GLDN: variants seen among roughly 807,000 people sequenced by gnomAD.
GLDN encodes the protein gliomedin.
In GLDN, 47 loss-of-function variants were observed where a neutral mutation model predicts 56.5. The ratio of observed to expected loss-of-function variants is 0.83; its 90% CI spans 0.66 to 1.06. GLDN has a LOEUF of 1.06. GLDN is among the 50% of genes least tolerant of loss of function. The pLI is 0.00. For synonymous variants in GLDN, 332 were observed against 278.8 expected (o/e 1.19, Z -1.90); for missense variants, 782 against 714.3 (o/e 1.09, Z -1.08).
chr15:51,400,344 AG>A (rs2038222663), intron 7 of GLDN, 28 bp from the exon 8 acceptor site: 2 of 1,614,110 alleles, frequency 1.2e-6, no homozygotes. Context: ...TTGGCAGGCA[AG>A]TGACTTTCTT....
chr15:51,388,400 C>T (rs2037945946), intron 4 of GLDN, among the ~76,000 whole-genome samples: 1 of 152,110 alleles, frequency 6.6e-6, no homozygotes, highest in Non-Finnish European at 1.5e-5. Flanking sequence ...CTGAAATCAC[C>T]CCCTGGTGAT....
intron 1 of GLDN, among the ~76,000 whole-genome samples, chr15:51,356,988 C>T (rs1402444249): frequency 6.6e-6 from 1 of 152,190 alleles, no homozygotes; most frequent in Non-Finnish European, 1.5e-5. Flanking sequence ...ACTGGGACAA[C>T]ACACAGACCT....
intron 7 of GLDN, 27 bp from the exon 8 acceptor site, chr15:51,400,346 T>C: frequency 1.2e-6 from 2 of 1,614,120 alleles, no homozygotes; most frequent in Non-Finnish European, 1.7e-6. Context: ...GGCAGGCAAG[T>C]GACTTTCTTT....
intron 1 of GLDN, among the ~76,000 whole-genome samples, chr15:51,364,326 A>G (rs771764832): frequency 1.1e-4 from 16 of 152,162 alleles, no homozygotes; most frequent in Non-Finnish European, 1.9e-4. Context: ...CAAGTTCACT[A>G]ACCTTTCATC....
At chr15:51,400,078 G>C in intron 6 of GLDN, 114 bp from the exon 7 acceptor site, 1 of 849,226 alleles carries the variant, frequency 1.2e-6, no homozygotes, top group South Asian at 1.5e-5. Flanking sequence ...TATTGCAAGG[G>C]ATGTTTATGA....
At chr15:51,390,668 T>A (rs1185931390) in intron 4 of GLDN, among the ~76,000 whole-genome samples, 2 of 151,866 alleles carry the variant, frequency 1.3e-5, no homozygotes, top group Non-Finnish European at 2.9e-5. Context: ...AAATAAAACA[T>A]CCTCCCTCAC....
intron 4 of GLDN, among the ~76,000 whole-genome samples, chr15:51,389,626 G>A (rs1164987478): frequency 6.6e-6 from 1 of 152,200 alleles, no homozygotes; most frequent in African/African-American, 2.4e-5. Flanking sequence ...CAGCACTTTG[G>A]AGATAAGTAG....
intron 5 of GLDN, among the ~76,000 whole-genome samples, chr15:51,397,116 G>T (rs962411988): frequency 1.3e-5 from 2 of 152,126 alleles, no homozygotes; most frequent in Non-Finnish European, 2.9e-5. Flanking sequence ...AGTGGAGAGG[G>T]CGTAGGAGGT....
intron 1 of GLDN, among the ~76,000 whole-genome samples, chr15:51,373,091 C>T (rs1212714435): frequency 6.6e-6 from 1 of 152,148 alleles, no homozygotes; most frequent in Non-Finnish European, 1.5e-5. Context: ...CCAACACATG[C>T]ATTTGGGAGG....
At chr15:51,413,102 C>G in the GLDN span, among the ~76,000 whole-genome samples, 1 of 151,982 alleles carries the variant, frequency 6.6e-6, no homozygotes, top group African/African-American at 2.4e-5. Context: ...TTTCTGCTGA[C>G]TTTTGAATTG....
chr15:51,402,067 C>T (rs1391229103), intron 9 of GLDN, among the ~76,000 whole-genome samples: 1 of 152,150 alleles, frequency 6.6e-6, no homozygotes, highest in Non-Finnish European at 1.5e-5. Flanking sequence ...CTCATAGCTC[C>T]CCCTGGTGGA....
chr15:51,341,740 C>A lies in GLDN; in HGVS notation c.56C>A (p.Ala19Asp). 1 of 1,462,278 alleles carries A rather than the reference C, an allele frequency of 6.8e-7. No homozygotes were observed. Among genetic ancestry groups the A allele is most frequent in the Non-Finnish European group, 8.9e-7 (1 of 1,119,466 alleles). The allele number at this position is 1,462,278 out of a possible 1,614,324, so 90.6% of individuals were successfully genotyped here. A position where few individuals can be genotyped will look rare whatever the true frequency, so the allele number is the denominator to read the frequency against. Residue 19 changes from alanine (A) to aspartate (D), a missense_variant, in exon 1 of 10, where the codon GCC becomes GAC. Coordinates refer to ENST00000335449, the MANE Select transcript of GLDN (RefSeq NM_181789.4). ...GACGCGGGTTGGGGCCTGCGTGGCG[C>A]CCTGGCGGCCGTGGCGCTGCTCTCG... ...RGDAGWGLRG[A>D]LAAVALLSAL...
At position 51,341,941 on chromosome 15, in the gene GLDN, C is replaced by T; in HGVS notation, c.257C>T (p.Pro86Leu). 1 of 1,597,056 alleles carries T rather than the reference C, an allele frequency of 6.3e-7. No homozygotes were observed. The highest frequency in any genetic ancestry group is 1.3e-5 in the African/African-American group (1 of 74,934). Residue 86 changes from proline to leucine, a missense_variant, in exon 1 of 10, where the codon CCG becomes CTG. Physicochemically the swap from Pro to Leu is moderately conservative, Grantham distance 98 (BLOSUM62 -3). Transcript: ENST00000335449. ...GGGGCGTCCGCACCACCCCAAGACC[C>T]GGCCAGCTCAGCTCGCAACAAGCGC... Reference protein sequence around the residue: ...PRGASAPPQDPASSARNKRSH... With the variant: ...PRGASAPPQDLASSARNKRSH...
intron 1 of GLDN, among the ~76,000 whole-genome samples, chr15:51,346,301 C>A (rs927362673): frequency 2.0e-5 from 3 of 151,998 alleles, no homozygotes; most frequent in Non-Finnish European, 2.9e-5. Context: ...ATAATTAAAG[C>A]CTGAGTAATT....
chr15:51,346,618 G>A (rs1265832757), intron 1 of GLDN, among the ~76,000 whole-genome samples: 1 of 152,114 alleles, frequency 6.6e-6, no homozygotes, highest in Non-Finnish European at 1.5e-5. Flanking sequence ...GAATTGGGAA[G>A]CCTTTTCTTT....
chr15:51,362,115 C>T (rs2037311667), intron 1 of GLDN, among the ~76,000 whole-genome samples: 2 of 152,114 alleles, frequency 1.3e-5, no homozygotes, highest in Admixed American at 1.3e-4. Context: ...GAGGGAATAG[C>T]AAGTGCAAAG....
chr15:51,371,557 A>G (rs970014946), intron 1 of GLDN, among the ~76,000 whole-genome samples: 1 of 152,238 alleles, frequency 6.6e-6, no homozygotes, highest in Non-Finnish European at 1.5e-5. Flanking sequence ...TTTTCAGAGA[A>G]AAAAACTGGA....
At chr15:51,367,188 TGAA>T (rs1481780447) in intron 1 of GLDN, among the ~76,000 whole-genome samples, 4 of 152,200 alleles carry the variant, frequency 2.6e-5, no homozygotes, top group African/African-American at 4.8e-5. Context: ...GGTTGGATCC[TGAA>T]GAAGAACACC....
intron 1 of GLDN, among the ~76,000 whole-genome samples, chr15:51,363,690 C>G (rs577446256): frequency 1.2e-4 from 18 of 152,232 alleles, no homozygotes; most frequent in African/African-American, 4.1e-4. Flanking sequence ...GCCCAGTGGG[C>G]GATCAGGAAG....
Sources: gnomAD v4.1 joint callset for allele counts (sites outside exome capture counted in the v4.1 genomes callset) on GRCh38, gnomAD v4.1.1 for gene constraint, MANE v1.5 for transcripts, NCBI Gene and HGNC (gene_info 2026-07-23, HGNC 2026-07-21) for gene names.